The following NOX5 variants were observed in gnomAD, a reference collection of about 807,000 sequenced individuals.
NOX5 encodes the protein NADPH oxidase 5.
A neutral mutation model predicts 85.7 loss-of-function variants in NOX5; 76 were observed. The observed-to-expected ratio is 0.89, with a 90% CI of 0.74 to 1.07. The LOEUF (loss-of-function observed/expected upper bound fraction) is 1.07. NOX5 is among the 50% of genes least tolerant of loss of function. NOX5 has a pLI of 0.00. For missense variants in NOX5, 973 were observed against 999.5 expected (o/e 0.97, Z 0.36); for synonymous variants, 405 against 401.4 (o/e 1.01, Z -0.11).
chr15:69,026,100 C>G (rs1471424683), intron 1 of NOX5, among the ~76,000 whole-genome samples: 2 of 152,204 alleles, frequency 1.3e-5, no homozygotes, highest in Non-Finnish European at 2.9e-5. Flanking sequence ...AATGTCCTGG[C>G]CCACCAGGCT....
chr15:69,017,565 T>C (rs779257132), intron 1 of NOX5, among the ~76,000 whole-genome samples: 4 of 152,120 alleles, frequency 2.6e-5, no homozygotes, highest in Non-Finnish European at 5.9e-5. Context: ...GTCCCACCTT[T>C]CCGGACAGAA....
At chr15:69,045,081 A>G (rs1595785618) in intron 10 of NOX5, among the ~76,000 whole-genome samples, 1 of 152,246 alleles carries the variant, frequency 6.6e-6, no homozygotes, top group East Asian at 1.9e-4. Flanking sequence ...GGGACTAGAG[A>G]CAGGAGGGCC....
chr15:69,053,701 G>C (rs1235997830), intron 14 of NOX5, among the ~76,000 whole-genome samples: 1 of 152,174 alleles, frequency 6.6e-6, no homozygotes, highest in African/African-American at 2.4e-5. Flanking sequence ...CAGCTGGATG[G>C]AGAGAGTGAG....
At position 69,048,513 on chromosome 15, in the gene NOX5, A is replaced by C. The variant is rs139684623; in HGVS notation, c.1900-446A>C. Among the ~76,000 whole-genome samples, 837 of 152,266 alleles carry C rather than the reference A, an allele frequency of 5.5e-3. 43 individuals are homozygous for C. In the East Asian group the frequency reaches 0.11, roughly 20 times the overall value. On this transcript the variant is annotated intron_variant, in intron 13 of 15. Coordinates refer to ENST00000388866, the MANE Select transcript of NOX5 (RefSeq NM_024505.4). ...ACACCACTGCACTCCAGCCTGAGTGACAGAGTGAGACTCTGTCTCAAAAAA... is the reference window on the plus strand; with the variant it reads ...ACACCACTGCACTCCAGCCTGAGTGCCAGAGTGAGACTCTGTCTCAAAAAA...
chr15:69,035,965 C>CGAA (rs1176770708), intron 7 of NOX5, 29 bp downstream of exon 7: 1 of 1,612,600 alleles, frequency 6.2e-7, no homozygotes, highest in African/African-American at 1.3e-5. Context: ...TTTTGCTTCC[C>CGAA]CCAAGGCCAG....
intron 15 of NOX5, 145 bp downstream of exon 15, chr15:69,055,645 T>C: frequency 1.3e-6 from 1 of 784,290 alleles, no homozygotes; most frequent in Non-Finnish European, 2.0e-6. Flanking sequence ...GTGTGAAAGG[T>C]AAACAGGGCA....
chr15:69,014,754 C>A lies in NOX5; in HGVS notation c.19C>A (p.Pro7Thr). ...GGAGAAGATGAACACATCTGGAGAC[C>A]CAGCCCAGACGGGCCCTGAAGGCTG... is the stretch of plus-strand genomic sequence containing the variant. MNTSGD[P>T]AQTGPEGCRG... Residue 7 changes from proline to threonine, a missense_variant, in exon 1 of 16, where the codon CCA (proline) becomes ACA (threonine). Transcript: ENST00000388866. 6.4e-7 allele frequency: 1 copy of A among 1,550,468 alleles called. No homozygotes were observed. The highest frequency in any genetic ancestry group is 8.7e-7 in the Non-Finnish European group (1 of 1,146,886).
At chr15:69,038,145 A>T (rs535983838) in intron 8 of NOX5, 1 of 152,678 alleles carries the variant, frequency 6.5e-6, no homozygotes, top group South Asian at 2.1e-4. Flanking sequence ...AACAGAGAGG[A>T]TGGAGTCTAG....
At chr15:69,015,355 C>T (rs1380393929) in intron 1 of NOX5, among the ~76,000 whole-genome samples, 1 of 152,180 alleles carries the variant, frequency 6.6e-6, no homozygotes, top group Non-Finnish European at 1.5e-5. Flanking sequence ...CTTGCACAGG[C>T]CCACCACACT....
intron 1 of NOX5, among the ~76,000 whole-genome samples, chr15:69,018,881 A>G (rs935813477): frequency 6.6e-6 from 1 of 151,976 alleles, no homozygotes; most frequent in African/African-American, 2.4e-5. Context: ...TTATTATGTT[A>G]TAAGGGATGG....
chr15:69,018,470 A>G (rs929968111), intron 1 of NOX5, among the ~76,000 whole-genome samples: 7 of 152,184 alleles, frequency 4.6e-5, no homozygotes, highest in Non-Finnish European at 7.3e-5. Context: ...AATTACAGTT[A>G]GCTGGGACAC....
chr15:69,047,362 G>T, intron 11 of NOX5, 51 bp from the exon 12 acceptor site: 3 of 1,504,028 alleles, frequency 2.0e-6, no homozygotes, highest in Non-Finnish European at 2.7e-6. Context: ...GGTAGCAGGG[G>T]AGACCAGCGT....
In NOX5 at chr15:69,056,603, G is replaced by A. The variant is rs1017888450; in HGVS notation, c.2205G>A (p.Val735=). 5.0e-6 allele frequency: 8 copies of A among 1,613,764 alleles called. No homozygotes were observed. The highest frequency in any genetic ancestry group is 2.2e-5 in the East Asian group (1 of 44,888). ...QKVAAEKKGK[V]QVFFCGSPAL... is the part of the protein sequence containing the mutation. ...TGGCTGCTGAGAAGAAGGGCAAGGTGCAGGTCTTCTTCTGTGGCTCCCCAG... is the reference window on the plus strand; with the variant it reads ...TGGCTGCTGAGAAGAAGGGCAAGGTACAGGTCTTCTTCTGTGGCTCCCCAG... The change falls in exon 16 of 16, where the codon GTG becomes GTA. Residue 735 remains valine, a synonymous_variant. Coordinates refer to ENST00000388866, the MANE Select transcript of NOX5 (RefSeq NM_024505.4).
chr15:69,022,842 C>G (rs1166567232), intron 1 of NOX5: 1 of 319,586 alleles, frequency 3.1e-6, no homozygotes, highest in Non-Finnish European at 6.2e-6. Flanking sequence ...CATCTTGTTC[C>G]TGGATGAGCC....
rs1177232943 is a variant in NOX5, at chr15:69,042,684, G to A, written c.1526G>A (p.Arg509Gln). ...EQKDTIWLHI[R>Q]SQGQWTNRLY... Reference sequence around the variant, plus strand: ...TCAGACACTATCTGGCTGCACATTCGGTCCCAAGGCCAGTGGACAAACAGG... The same window carrying A: ...TCAGACACTATCTGGCTGCACATTCAGTCCCAAGGCCAGTGGACAAACAGG... Residue 509 changes from arginine to glutamine, a missense_variant, in exon 10 of 16, where the codon CGG becomes CAG. By Grantham distance (43) the Arg-to-Gln change is conservative. Coordinates refer to ENST00000388866, the MANE Select transcript of NOX5 (RefSeq NM_024505.4). 3.1e-6 allele frequency: 5 copies of A among 1,613,660 alleles called. No homozygotes were observed. Among genetic ancestry groups the A allele is most frequent in the Admixed American group, 3.3e-5 (2 of 59,990 alleles).
chr15:69,027,389 A>C (rs2050371514), intron 2 of NOX5, among the ~76,000 whole-genome samples: 1 of 152,176 alleles, frequency 6.6e-6, no homozygotes, highest in South Asian at 2.1e-4. Context: ...GAGAGTGATA[A>C]AGGTACTACC....
At chr15:69,050,679 G>A (rs951271016) in intron 14 of NOX5, among the ~76,000 whole-genome samples, 2 of 152,122 alleles carry the variant, frequency 1.3e-5, no homozygotes, top group African/African-American at 4.8e-5. Flanking sequence ...GTGAGCCACC[G>A]GCCTGGATTT....
intron 13 of NOX5, among the ~76,000 whole-genome samples, chr15:69,048,259 A>G (rs2050701409): frequency 6.6e-6 from 1 of 152,250 alleles, no homozygotes; most frequent in East Asian, 1.9e-4. Flanking sequence ...CTGGCTGGGC[A>G]TGGTGGCTCA....
At chr15:69,029,671 T>C (rs990694998) in intron 3 of NOX5, 2 of 151,852 alleles carry the variant, frequency 1.3e-5, no homozygotes, top group Non-Finnish European at 2.9e-5. Flanking sequence ...CTAACACTTG[T>C]AATTTTCTGC....
Sources: allele counts gnomAD v4.1 joint callset (sites outside exome capture counted in the v4.1 genomes callset), GRCh38; gene constraint gnomAD v4.1.1; transcripts MANE v1.5; gene names NCBI Gene and HGNC (gene_info 2026-07-23, HGNC 2026-07-21).